The following CCDC73 variants were observed in gnomAD, a reference collection of about 807,000 sequenced individuals.
The protein encoded by CCDC73 is coiled-coil domain-containing protein 73.
Under a neutral mutation model 116.5 loss-of-function variants are expected in CCDC73, and 95 were observed. The observed-to-expected ratio is 0.82, with a 90% CI of 0.69 to 0.97. The LOEUF is 0.97. CCDC73 is among the 50% of genes least tolerant of loss of function. CCDC73 has a pLI of 0.00. For synonymous variants in CCDC73, 398 were observed against 401.3 expected (o/e 0.99, Z 0.10); for missense variants, 1,066 against 1,206.8 (o/e 0.88, Z 1.73).
chr11:32,799,021 C>T (rs1315617688), upstream of CCDC73, among the ~76,000 whole-genome samples: 3 of 151,864 alleles, frequency 2.0e-5, no homozygotes, highest in Non-Finnish European at 4.4e-5. Context: ...GCGATCCTCC[C>T]TCCTCAGCCC....
In CCDC73 at chr11:32,602,798, G is replaced by T; in HGVS notation, c.*13C>A. ...CAGTTACATAATTTCACTACTGAAA[G>T]CACTTATCTACATTATTTTAATCTG... On this transcript the variant is annotated 3_prime_UTR_variant, in exon 18 of 18. Transcript: ENST00000335185. 1 of 1,512,414 alleles carries T rather than the reference G, an allele frequency of 6.6e-7. No homozygotes were observed. The highest frequency in any genetic ancestry group is 9.0e-7 in the Non-Finnish European group (1 of 1,114,920). 93.7% of individuals were successfully genotyped at this position (1,512,414 alleles called of 1,614,324 possible).
intron 1 of CCDC73, among the ~76,000 whole-genome samples, chr11:32,788,059 T>C (rs767682176): frequency 4.6e-5 from 7 of 152,246 alleles, no homozygotes; most frequent in African/African-American, 1.7e-4. Context: ...TCCGTTATAC[T>C]GCAAATTCCT....
intron 1 of CCDC73, among the ~76,000 whole-genome samples, chr11:32,768,682 C>T (rs1203487676): frequency 6.6e-6 from 1 of 152,030 alleles, no homozygotes; most frequent in Admixed American, 6.6e-5. Flanking sequence ...AAAATTTATT[C>T]TGGAAGAATA....
At chr11:32,776,964 C>CATGT (rs1565099257) in intron 1 of CCDC73, among the ~76,000 whole-genome samples, 1 of 121,644 alleles carries the variant, frequency 8.2e-6, no homozygotes, top group Non-Finnish European at 1.7e-5. Flanking sequence ...TATATATACA[C>CATGT]ACACACACAT....
At chr11:32,641,824 C>T (rs1008503079) in intron 13 of CCDC73, 148 bp downstream of exon 13, 6 of 555,140 alleles carry the variant, frequency 1.1e-5, no homozygotes, top group Non-Finnish European at 1.6e-5. Flanking sequence ...AAAAAGCATT[C>T]ACCTTTTTGG....
At chr11:32,762,737 T>C (rs1232905915) in intron 1 of CCDC73, among the ~76,000 whole-genome samples, 2 of 152,052 alleles carry the variant, frequency 1.3e-5, no homozygotes, top group Non-Finnish European at 2.9e-5. Flanking sequence ...ACTGGGTTCA[T>C]CTCACTGGGG....
Position 32,755,935 on chromosome 11 carries a change from A to C in CCDC73, c.135+4174T>G, listed in dbSNP as rs111219044. On this transcript the variant is annotated intron_variant, in intron 2 of 17. Coordinates refer to ENST00000335185, the MANE Select transcript of CCDC73 (RefSeq NM_001008391.4). ...TATCTCCATATATATATCTATATAT[A>C]TATCTCCATATATATATCTATATAT... is the stretch of plus-strand genomic sequence containing the variant. Among the ~76,000 whole-genome samples the C allele has an allele frequency of 8.8e-3, 131 of 14,828 alleles. 16 individuals carry two copies. The highest frequency in any genetic ancestry group is 0.037 in the African/African-American group (127 of 3,398). 9.7% of individuals were successfully genotyped at this position (14,828 alleles called of 152,430 possible). A position where few individuals can be genotyped will look rare whatever the true frequency, so the allele number is the denominator to read the frequency against.
intron 1 of CCDC73, among the ~76,000 whole-genome samples, chr11:32,766,573 C>A (rs1850444499): frequency 6.6e-6 from 1 of 152,306 alleles, no homozygotes; most frequent in Non-Finnish European, 1.5e-5. Flanking sequence ...CGTCTCAGCC[C>A]AAAATCTCCT....
intron 2 of CCDC73, among the ~76,000 whole-genome samples, chr11:32,738,005 G>A (rs1015342416): frequency 6.6e-6 from 1 of 152,140 alleles, no homozygotes; most frequent in Non-Finnish European, 1.5e-5. Context: ...TTCCATCCGT[G>A]TTGTTGCAAG....
intron 6 of CCDC73, among the ~76,000 whole-genome samples, chr11:32,693,392 A>G (rs917107625): frequency 6.6e-6 from 1 of 152,166 alleles, no homozygotes; most frequent in African/African-American, 2.4e-5. Flanking sequence ...TACTCTATTC[A>G]TGTATCATGT....
intron 2 of CCDC73, among the ~76,000 whole-genome samples, chr11:32,744,649 T>C (rs1337711019): frequency 6.6e-6 from 1 of 152,180 alleles, no homozygotes; most frequent in Non-Finnish European, 1.5e-5. Context: ...GGTGTATGTG[T>C]CCAGGAATTT....
chr11:32,759,763 C>A (rs990046180), intron 2 of CCDC73, among the ~76,000 whole-genome samples: 7 of 152,122 alleles, frequency 4.6e-5, no homozygotes, highest in African/African-American at 9.7e-5. Flanking sequence ...TATATAATAA[C>A]CTTAACAAAA....
chr11:32,733,414 T>C (rs1850097668), intron 2 of CCDC73, among the ~76,000 whole-genome samples: 2 of 152,154 alleles, frequency 1.3e-5, no homozygotes, highest in African/African-American at 4.8e-5. Flanking sequence ...CTGCACCAAG[T>C]GGACCTAAGA....
intron 9 of CCDC73, among the ~76,000 whole-genome samples, chr11:32,672,023 T>A (rs550215542): frequency 6.6e-5 from 10 of 152,144 alleles, no homozygotes; most frequent in Non-Finnish European, 1.0e-4. Flanking sequence ...CTCATCTACA[T>A]CCATAGGTCA....
At chr11:32,728,735 C>T (rs1334453432) in intron 2 of CCDC73, among the ~76,000 whole-genome samples, 3 of 152,106 alleles carry the variant, frequency 2.0e-5, no homozygotes, top group South Asian at 2.1e-4. Flanking sequence ...GCTGGAGTCT[C>T]GCTCTGTCGC....
the CCDC73 span, among the ~76,000 whole-genome samples, chr11:32,816,698 T>C: frequency 1.3e-5 from 2 of 152,204 alleles, no homozygotes; most frequent in African/African-American, 4.8e-5. Flanking sequence ...CGCTTTTCAA[T>C]GTTATTAAAG....
upstream of CCDC73, among the ~76,000 whole-genome samples, chr11:32,795,753 G>T (rs1237966377): frequency 6.7e-6 from 1 of 148,670 alleles, no homozygotes; most frequent in Admixed American, 6.7e-5. Flanking sequence ...GCAATGGCAC[G>T]ATCTCAGCTC....
chr11:32,815,323 G>A, the CCDC73 span, among the ~76,000 whole-genome samples: 5 of 151,076 alleles, frequency 3.3e-5, no homozygotes, highest in Admixed American at 6.6e-5. Flanking sequence ...ACTAAAAGTG[G>A]TTGTATTATT....
At chr11:32,656,254 T>C (rs981621038) in intron 9 of CCDC73, among the ~76,000 whole-genome samples, 1 of 151,780 alleles carries the variant, frequency 6.6e-6, no homozygotes, top group Non-Finnish European at 1.5e-5. Flanking sequence ...ATTTTTTTTG[T>C]ATTTTTAGTA....
Sources: gnomAD v4.1 joint callset for allele counts (sites outside exome capture counted in the v4.1 genomes callset) on GRCh38, gnomAD v4.1.1 for gene constraint, MANE v1.5 for transcripts, NCBI Gene and HGNC (gene_info 2026-07-23, HGNC 2026-07-21) for gene names.